ELOVL6: variants seen among roughly 807,000 people sequenced by gnomAD.
ELOVL6 encodes the protein very long chain fatty acid elongase 6.
A neutral mutation model predicts 31.7 loss-of-function variants in ELOVL6; 8 were observed. The observed-to-expected ratio is 0.25, with a 90% CI of 0.15 to 0.45. The LOEUF (loss-of-function observed/expected upper bound fraction) is 0.45, where lower values mean the gene tolerates loss of function less well. ELOVL6 is among the 20% of genes least tolerant of loss of function. The pLI is 1.00. For missense variants in ELOVL6, 126 were observed against 326.4 expected, an observed-to-expected ratio of 0.39 and a Z score of 4.73; for synonymous variants, 101 against 117.7, an observed-to-expected ratio of 0.86 and a Z score of 0.92.
At chr4:110,172,160 T>C (rs1027230684) in intron 1 of ELOVL6, among the ~76,000 whole-genome samples, 9 of 152,052 alleles carry the variant, frequency 5.9e-5, no homozygotes, top group Admixed American at 1.3e-4. Flanking sequence ...CAGGTAGTCT[T>C]GGGGATTGGG....
Position 110,091,154 on chromosome 4 carries a change from A to G in ELOVL6, c.221+14343T>C, listed in dbSNP as rs568050617. ...ACTTTAACCTAGTTCTACTCTATCA[A>G]TTTAAGGATCCATGTCCTTAAGGAG... On this transcript the variant is annotated intron_variant, in intron 2 of 3. Transcript: ENST00000302274. 8.3e-4 allele frequency among the ~76,000 whole-genome samples: 127 copies of G among 152,296 alleles called. 1 individual carries two copies. The highest frequency in any genetic ancestry group is 3.0e-3 in the African/African-American group (124 of 41,550).
rs758616916 is a variant in ELOVL6 at position 110,129,366 on chromosome 4, AC to A, written c.90-23739del. On this transcript the variant is annotated intron_variant, in intron 1 of 3. Coordinates refer to ENST00000302274, the MANE Select transcript of ELOVL6 (RefSeq NM_024090.3). ...TGAGTCTCTCAAGAGATGCCTTAAC[AC>A]CAGGATAGATGTTATAGTAAGTGAT... 7.9e-4 allele frequency among the ~76,000 whole-genome samples: 121 copies of A among 152,290 alleles called. No homozygotes were observed. In the Middle Eastern group the frequency reaches 0.014, roughly 17 times the overall value.
intron 1 of ELOVL6, among the ~76,000 whole-genome samples, chr4:110,161,914 G>A (rs767448799): frequency 3.3e-5 from 5 of 152,084 alleles, no homozygotes; most frequent in Non-Finnish European, 5.9e-5. Flanking sequence ...CAGTGTTTGC[G>A]GTGACTTTAC....
intron 2 of ELOVL6, among the ~76,000 whole-genome samples, chr4:110,084,450 A>ATATATCATATATGATATATCACC (rs1756148403): frequency 8.3e-6 from 1 of 120,406 alleles, no homozygotes; most frequent in Non-Finnish European, 1.6e-5. Context: ...GATATATCGC[A>ATATATCATATATGATATATCACC]TATATCATAT....
intron 1 of ELOVL6, among the ~76,000 whole-genome samples, chr4:110,196,504 G>C (rs1474579683): frequency 6.6e-6 from 1 of 152,214 alleles, no homozygotes; most frequent in Non-Finnish European, 1.5e-5. Flanking sequence ...GGTGGGGCTC[G>C]AGGGGCCTCG....
intron 1 of ELOVL6, among the ~76,000 whole-genome samples, chr4:110,129,924 G>C (rs7674864): frequency 0.22 from 25,894 of 119,386 alleles, 2,904 homozygotes; most frequent in Middle Eastern, 0.41. Context: ...TGGTGAGACA[G>C]AGTGTTGCTC....
At chr4:110,089,791 T>C (rs1756369010) in intron 2 of ELOVL6, among the ~76,000 whole-genome samples, 1 of 152,136 alleles carries the variant, frequency 6.6e-6, no homozygotes, top group Non-Finnish European at 1.5e-5. Flanking sequence ...AGAGAGGCAG[T>C]GCTCCAACGG....
intron 1 of ELOVL6, among the ~76,000 whole-genome samples, chr4:110,140,146 T>C (rs1757913928): frequency 6.6e-6 from 1 of 152,232 alleles, no homozygotes; most frequent in Non-Finnish European, 1.5e-5. Flanking sequence ...TACTTTTCTA[T>C]ATAAGCCCCC....
At chr4:110,186,928 CAATT>C (rs1012274923) in intron 1 of ELOVL6, among the ~76,000 whole-genome samples, 25 of 138,222 alleles carry the variant, frequency 1.8e-4, no homozygotes, top group African/African-American at 6.4e-4. Context: ...AAAAAACTAT[CAATT>C]GAATAAAACC....
At chr4:110,163,608 C>T (rs1321588017) in intron 1 of ELOVL6, among the ~76,000 whole-genome samples, 1 of 152,050 alleles carries the variant, frequency 6.6e-6, no homozygotes, top group Non-Finnish European at 1.5e-5. Flanking sequence ...GTATAAAATG[C>T]TAGAAGGGTG....
At chr4:110,071,406 T>C (rs991661464) in intron 2 of ELOVL6, among the ~76,000 whole-genome samples, 2 of 152,240 alleles carry the variant, frequency 1.3e-5, no homozygotes, top group East Asian at 1.9e-4. Flanking sequence ...TACTCCTCAC[T>C]GAAAAGAGCT....
intron 1 of ELOVL6, among the ~76,000 whole-genome samples, chr4:110,124,406 G>C (rs1757436670): frequency 6.6e-6 from 1 of 152,082 alleles, no homozygotes; most frequent in Non-Finnish European, 1.5e-5. Flanking sequence ...TCCTTTGCAG[G>C]GACATGGATG....
At chr4:110,055,637 G>A (rs1419611725) in intron 3 of ELOVL6, among the ~76,000 whole-genome samples, 2 of 152,040 alleles carry the variant, frequency 1.3e-5, no homozygotes, top group Non-Finnish European at 2.9e-5. Context: ...GACACAGAGA[G>A]GCTACTCTGT....
intron 1 of ELOVL6, among the ~76,000 whole-genome samples, chr4:110,147,844 G>A (rs1345908174): frequency 6.6e-6 from 1 of 151,834 alleles, no homozygotes; most frequent in Non-Finnish European, 1.5e-5. Context: ...GCCAGGCATG[G>A]TGGCTCACGC....
chr4:110,172,067 A>G (rs1050849183), intron 1 of ELOVL6, among the ~76,000 whole-genome samples: 3 of 152,134 alleles, frequency 2.0e-5, no homozygotes, highest in African/African-American at 7.2e-5. Flanking sequence ...AGTGCAACCC[A>G]AAGTCATGAG....
chr4:110,122,904 C>T (rs1578497860), intron 1 of ELOVL6, among the ~76,000 whole-genome samples: 1 of 152,238 alleles, frequency 6.6e-6, no homozygotes, highest in Non-Finnish European at 1.5e-5. Flanking sequence ...TACTCCCTGA[C>T]TGCTTCTAGG....
chr4:110,103,957 A>G (rs768453601), intron 2 of ELOVL6, among the ~76,000 whole-genome samples: 18 of 152,220 alleles, frequency 1.2e-4, no homozygotes, highest in Non-Finnish European at 2.4e-4. Context: ...TGATTTCAAT[A>G]AGAATTATTT....
At chr4:110,095,713 C>A (rs1756562898) in intron 2 of ELOVL6, among the ~76,000 whole-genome samples, 1 of 151,984 alleles carries the variant, frequency 6.6e-6, no homozygotes, top group South Asian at 2.1e-4. Context: ...TGTAGAATAT[C>A]CTTGGGTAGA....
intron 1 of ELOVL6, among the ~76,000 whole-genome samples, chr4:110,135,655 G>C (rs1008092377): frequency 6.6e-6 from 1 of 152,132 alleles, no homozygotes; most frequent in Non-Finnish European, 1.5e-5. Context: ...CTGCAAGCAA[G>C]CACTGTCTCT....
Sources: gnomAD v4.1 joint callset for allele counts (sites outside exome capture counted in the v4.1 genomes callset) on GRCh38, gnomAD v4.1.1 for gene constraint, MANE v1.5 for transcripts, NCBI Gene and HGNC (gene_info 2026-07-23, HGNC 2026-07-21) for gene names.